Variants in TGFBR2 observed in about 807,000 individuals in gnomAD.
TGFBR2 encodes the protein transforming growth factor beta receptor 2.
In TGFBR2, 18 loss-of-function variants were observed where a neutral mutation model predicts 49.0. That is an observed-to-expected ratio of 0.37 (90% confidence interval 0.25 to 0.54). TGFBR2 has a LOEUF of 0.54. Among genes scored for constraint, TGFBR2 ranks in the 20% least tolerant of loss-of-function variants. The pLI is 0.85. For synonymous variants in TGFBR2, 282 were observed against 275.9 expected, an observed-to-expected ratio of 1.02 and a Z score of -0.22; for missense variants, 525 against 722.6, an observed-to-expected ratio of 0.73 and a Z score of 3.13.
chr3:30,618,676 C>G (rs1283150711), intron 1 of TGFBR2, among the ~76,000 whole-genome samples: 1 of 152,194 alleles, frequency 6.6e-6, no homozygotes, highest in Non-Finnish European at 1.5e-5. Flanking sequence ...AAATAGGTAG[C>G]ACTCTGCTCT....
At chr3:30,645,550 A>G (rs1386262280) in intron 2 of TGFBR2, among the ~76,000 whole-genome samples, 2 of 149,012 alleles carry the variant, frequency 1.3e-5, no homozygotes, top group East Asian at 2.0e-4. Flanking sequence ...CCATGGCACA[A>G]TCTTGGCTCA....
At chr3:30,652,505 A>C (rs1202543158) in intron 3 of TGFBR2, among the ~76,000 whole-genome samples, 2 of 152,092 alleles carry the variant, frequency 1.3e-5, no homozygotes, top group Non-Finnish European at 2.9e-5. Flanking sequence ...AAGTGCTAGA[A>C]TTACAGGCAT....
chr3:30,623,404 T>C (rs946382359), intron 1 of TGFBR2: 4 of 1,241,096 alleles, frequency 3.2e-6, no homozygotes, highest in Admixed American at 1.9e-5. Context: ...CATAGCTAAA[T>C]TGTTAAAGAG....
At chr3:30,657,801 A>T (rs1189083492) in intron 3 of TGFBR2, among the ~76,000 whole-genome samples, 2 of 152,190 alleles carry the variant, frequency 1.3e-5, no homozygotes, top group Non-Finnish European at 2.9e-5. Flanking sequence ...CCCCATTATA[A>T]GGAGTCCTGT....
At chr3:30,607,030 C>A in intron 1 of TGFBR2, 53 bp downstream of exon 1, 1 of 1,466,446 alleles carries the variant, frequency 6.8e-7, no homozygotes, top group Non-Finnish European at 9.3e-7. Flanking sequence ...TTCCTGGGGT[C>A]CCCGCCTCTC....
chr3:30,651,966 C>T (rs1403734648), intron 3 of TGFBR2, among the ~76,000 whole-genome samples: 3 of 152,224 alleles, frequency 2.0e-5, no homozygotes, highest in African/African-American at 4.8e-5. Flanking sequence ...CGGCCATGTG[C>T]ATTCCACCTG....
chr3:30,618,333 G>A (rs1173699605), intron 1 of TGFBR2, among the ~76,000 whole-genome samples: 1 of 151,212 alleles, frequency 6.6e-6, no homozygotes, highest in South Asian at 2.1e-4. Context: ...GGGTTCAAGC[G>A]ATTCTCCTGC....
At chr3:30,621,278 C>CTTTTTTTTTTTTTTT (rs10688941) in intron 1 of TGFBR2, among the ~76,000 whole-genome samples, 1 of 116,312 alleles carries the variant, frequency 8.6e-6, no homozygotes, top group Non-Finnish European at 1.7e-5. Flanking sequence ...TTTTAATATT[C>CTTTTTTTTTTTTTTT]TTTTTTTTTT....
rs745740618 is a variant in TGFBR2, at chr3:30,650,345, G to A, written c.339G>A (p.Leu113=). 1 of 1,613,910 alleles carries A rather than the reference G, an allele frequency of 6.2e-7. No homozygotes were observed. Among genetic ancestry groups the A allele is most frequent in the African/African-American group, 1.3e-5 (1 of 74,958 alleles). ...AGCTCCCCTACCATGACTTTATTCT[G>A]GAAGATGCTGCTTCTCCAAAGTGCA... ...DPKLPYHDFI[L]EDAASPKCIM... is the part of the protein sequence containing the mutation. Residue 113 remains leucine, a synonymous_variant, in exon 3 of 7, where the codon CTG becomes CTA. Coordinates refer to ENST00000295754, the MANE Select transcript of TGFBR2 (RefSeq NM_003242.6).
chr3:30,630,911 A>G (rs560383691), intron 1 of TGFBR2, among the ~76,000 whole-genome samples: 1 of 152,284 alleles, frequency 6.6e-6, no homozygotes, highest in South Asian at 2.1e-4. Context: ...TGGACTTGTC[A>G]GCCTCTAGAA....
chr3:30,628,112 C>CTTT lies in TGFBR2; in HGVS notation c.95-16621_95-16619dup, dbSNP rs58634787. On this transcript the variant is annotated intron_variant, in intron 1 of 6. Transcript: ENST00000295754. ...TTATTGTAGGAGGATGCAGCCAGGC[C>CTTT]TTTTTTTTTTTTTTTTAATCATCTG... is the stretch of plus-strand genomic sequence containing the variant. 2.6e-3 allele frequency among the ~76,000 whole-genome samples: 284 copies of CTTT among 110,914 alleles called. 1 individual carries two copies. Among genetic ancestry groups the CTTT allele is most frequent in the African/African-American group, 8.8e-3 (270 of 30,636 alleles). The allele number at this position is 110,914 out of a possible 152,430, so 72.8% of individuals were successfully genotyped here.
At position 30,692,479 on chromosome 3, in the gene TGFBR2, T is replaced by C; in HGVS notation, c.*880T>C. 4.3e-6 allele frequency: 1 copy of C among 232,798 alleles called. No individual in the cohort carries two copies. Among genetic ancestry groups the C allele is most frequent in the Non-Finnish European group, 8.5e-6 (1 of 117,658 alleles). 14.4% of individuals were successfully genotyped at this position (232,798 alleles called of 1,614,324 possible). ...ATGCGATTGCCCCACCATCTACTAA[T>C]GAAAAATTGTTCTTTTTTTCATCTT... is the stretch of plus-strand genomic sequence containing the variant. On this transcript the variant is annotated 3_prime_UTR_variant, in exon 7 of 7. Coordinates refer to ENST00000295754, the MANE Select transcript of TGFBR2 (RefSeq NM_003242.6).
chr3:30,631,112 C>A (rs1698429180), intron 1 of TGFBR2, among the ~76,000 whole-genome samples: 1 of 149,514 alleles, frequency 6.7e-6, no homozygotes, highest in Non-Finnish European at 1.5e-5. Context: ...ACAGTCTTGG[C>A]CATCTGCAAC....
At chr3:30,649,913 T>C (rs1189842404) in intron 2 of TGFBR2, among the ~76,000 whole-genome samples, 1 of 152,172 alleles carries the variant, frequency 6.6e-6, no homozygotes, top group African/African-American at 2.4e-5. Context: ...TTATCCTGAG[T>C]ACCTAGGAAT....
intron 1 of TGFBR2, among the ~76,000 whole-genome samples, chr3:30,615,526 A>G (rs1698115245): frequency 6.6e-6 from 1 of 152,194 alleles, no homozygotes; most frequent in South Asian, 2.1e-4. Flanking sequence ...TCTGATCTAC[A>G]TTTCTAAAGG....
intron 1 of TGFBR2, among the ~76,000 whole-genome samples, chr3:30,612,381 CTA>C (rs978437031): frequency 2.0e-5 from 3 of 151,886 alleles, no homozygotes; most frequent in Admixed American, 6.6e-5. Context: ...CGTGTGGTCT[CTA>C]TGTGTGTATG....
chr3:30,672,025 A>G lies in TGFBR2; in HGVS notation c.842A>G (p.Tyr281Cys), dbSNP rs1210616464. 2.5e-6 allele frequency: 4 copies of G among 1,614,110 alleles called. No homozygotes were observed. The highest frequency in any genetic ancestry group is 2.2e-5 in the South Asian group (2 of 91,082). ...ACAGTGGCAGTCAAGATCTTTCCCT[A>G]TGAGGAGTATGCCTCTTGGAAGACA... ...FETVAVKIFP[Y>C]EEYASWKTEK... is the part of the protein sequence containing the mutation. The change falls in exon 4 of 7, where the codon TAT (tyrosine) becomes TGT (cysteine). Residue 281 changes from tyrosine to cysteine, a missense_variant. Physicochemically the swap from Tyr to Cys is radical, Grantham distance 194. Coordinates refer to ENST00000295754, the MANE Select transcript of TGFBR2 (RefSeq NM_003242.6). The surrounding 1 kb of genome is among the most constrained non-coding windows in gnomAD (Gnocchi z 4.5).
chr3:30,671,683 T>C lies in TGFBR2; in HGVS notation c.500T>C (p.Val167Ala), dbSNP rs779052721. 6.2e-7 allele frequency: 1 copy of C among 1,614,234 alleles called. No homozygotes were observed. Among genetic ancestry groups the C allele is most frequent in the Admixed American group, 1.7e-5 (1 of 60,036 alleles). Reference protein sequence around the residue: ...NPDLLLVIFQVTGISLLPPLG... With the variant: ...NPDLLLVIFQATGISLLPPLG... Reference sequence around the variant, plus strand: ...GACTTGTTGCTAGTCATATTTCAAGTGACAGGCATCAGCCTCCTGCCACCA... The same window carrying C: ...GACTTGTTGCTAGTCATATTTCAAGCGACAGGCATCAGCCTCCTGCCACCA... The change falls in exon 4 of 7, where the codon GTG (valine) becomes GCG (alanine). Residue 167 changes from valine (V) to alanine (A), a missense_variant. Physicochemically the swap from Val to Ala is moderately conservative, Grantham distance 64. Coordinates refer to ENST00000295754, the MANE Select transcript of TGFBR2 (RefSeq NM_003242.6).
At chr3:30,649,403 T>C (rs965775323) in intron 2 of TGFBR2, among the ~76,000 whole-genome samples, 7 of 152,186 alleles carry the variant, frequency 4.6e-5, no homozygotes, top group African/African-American at 1.7e-4. Flanking sequence ...AAAAATCTAA[T>C]GTACACTGAC....
Sources: gnomAD v4.1 joint callset for allele counts (sites outside exome capture counted in the v4.1 genomes callset) on GRCh38, gnomAD v4.1.1 for gene constraint, Gnocchi (gnomAD v3.1) non-coding constraint, MANE v1.5 for transcripts, NCBI Gene and HGNC (gene_info 2026-07-23, HGNC 2026-07-21) for gene names.